TMIGD3: variants seen among roughly 807,000 people sequenced by gnomAD.
TMIGD3 encodes AD026 protein (AD026).
In TMIGD3, 21 loss-of-function variants were observed where a neutral mutation model predicts 28.1. The observed-to-expected ratio is 0.75, with a 90% CI of 0.53 to 1.08. The LOEUF is 1.08. Among genes scored for constraint, TMIGD3 ranks in the 50% least tolerant of loss-of-function variants. The pLI, the probability that TMIGD3 is intolerant of heterozygous loss-of-function variation, is 0.00. For missense variants in TMIGD3, 416 were observed against 435.6 expected, an observed-to-expected ratio of 0.96 and a Z score of 0.40; for synonymous variants, 151 against 162.1, an observed-to-expected ratio of 0.93 and a Z score of 0.52.
At chr1:111,561,365 C>T (rs1313554548) in intron 1 of TMIGD3, among the ~76,000 whole-genome samples, 3 of 152,176 alleles carry the variant, frequency 2.0e-5, no homozygotes, top group East Asian at 1.9e-4. Context: ...CTCAAGCGAT[C>T]CGCTTGTCTC....
chr1:111,552,071 T>C (rs865828757), intron 1 of TMIGD3, among the ~76,000 whole-genome samples: 1 of 152,258 alleles, frequency 6.6e-6, no homozygotes, highest in Admixed American at 6.5e-5. Flanking sequence ...CCAACTGTTA[T>C]CCATTGTCTC....
upstream of TMIGD3, among the ~76,000 whole-genome samples, chr1:111,507,229 C>T (rs1416958832): frequency 6.6e-6 from 1 of 151,726 alleles, no homozygotes; most frequent in Non-Finnish European, 1.5e-5. Context: ...CAAGACCAAC[C>T]TGGCCAACAT....
At position 111,503,247 on chromosome 1, in the gene TMIGD3, C is replaced by T. The variant is rs1655345503; in HGVS notation, c.108G>A (p.Val36=). 1 of 1,614,202 alleles carries T rather than the reference C, an allele frequency of 6.2e-7. No homozygotes were observed. The highest frequency in any genetic ancestry group is 2.2e-5 in the East Asian group (1 of 44,894). ...AIVGNVLVIC[V]VKLNPSLQTT... is the part of the protein sequence containing the mutation. ...TCTGCAGGCTGGGGTTCAGCTTGAC[C>T]ACGCAGATGACCAGCACGTTGCCCA... The change falls in exon 1 of 6, where the codon GTG becomes GTA. Residue 36 remains valine, a synonymous_variant. Transcript: ENST00000369716.
chr1:111,502,645 A>G (rs1286980303), intron 1 of TMIGD3, among the ~76,000 whole-genome samples: 1 of 150,854 alleles, frequency 6.6e-6, no homozygotes, highest in Non-Finnish European at 1.5e-5. Context: ...TCCTAAAATA[A>G]TAAGTCTTAT....
At chr1:111,520,245 T>C (rs560981644) in intron 1 of TMIGD3, among the ~76,000 whole-genome samples, 4 of 152,352 alleles carry the variant, frequency 2.6e-5, no homozygotes, top group African/African-American at 9.6e-5. Flanking sequence ...CTGCTACCCA[T>C]GTTAGTGAAG....
At chr1:111,562,299 G>A (rs1195979963) in intron 1 of TMIGD3, among the ~76,000 whole-genome samples, 1 of 152,070 alleles carries the variant, frequency 6.6e-6, no homozygotes, top group Non-Finnish European at 1.5e-5. Context: ...ATACAGTTAT[G>A]TGTCTGTTTC....
At chr1:111,490,116 A>G (rs1654584944) in intron 2 of TMIGD3, among the ~76,000 whole-genome samples, 1 of 152,162 alleles carries the variant, frequency 6.6e-6, no homozygotes, top group Non-Finnish European at 1.5e-5. Context: ...ATGCCACACA[A>G]CTGAAGGTCA....
At chr1:111,534,565 A>T (rs1302218836) in intron 1 of TMIGD3, among the ~76,000 whole-genome samples, 1 of 152,180 alleles carries the variant, frequency 6.6e-6, no homozygotes, top group Non-Finnish European at 1.5e-5. Context: ...CTCTCCAAAC[A>T]TGGTTTTCTA....
At chr1:111,508,782 A>G (rs1655596973) in intron 1 of TMIGD3, among the ~76,000 whole-genome samples, 1 of 151,908 alleles carries the variant, frequency 6.6e-6, no homozygotes, top group Non-Finnish European at 1.5e-5. Flanking sequence ...CATCAATCTC[A>G]TCAGAATGAA....
At chr1:111,499,700 A>G (rs1655060931) in intron 1 of TMIGD3, 2 of 1,288,150 alleles carry the variant, frequency 1.6e-6, no homozygotes, top group Non-Finnish European at 2.0e-6. Context: ...AGACAATAAT[A>G]TCAATAATAC....
At chr1:111,543,222 A>G (rs1656908694) in intron 1 of TMIGD3, among the ~76,000 whole-genome samples, 1 of 152,170 alleles carries the variant, frequency 6.6e-6, no homozygotes, top group African/African-American at 2.4e-5. Flanking sequence ...AGATCAAACT[A>G]CAGTGATTCT....
chr1:111,515,949 TTA>T (rs1356080903), intron 1 of TMIGD3, among the ~76,000 whole-genome samples: 1 of 152,138 alleles, frequency 6.6e-6, no homozygotes, highest in African/African-American at 2.4e-5. Flanking sequence ...TTCCTACCAT[TTA>T]TATGTCAGGG....
At chr1:111,520,949 A>G (rs1381498969) in intron 1 of TMIGD3, among the ~76,000 whole-genome samples, 1 of 152,230 alleles carries the variant, frequency 6.6e-6, no homozygotes, top group Non-Finnish European at 1.5e-5. Context: ...CACAGTCAAG[A>G]TAATAAATAT....
At chr1:111,554,877 A>G (rs1034857786) in intron 1 of TMIGD3, among the ~76,000 whole-genome samples, 2 of 152,232 alleles carry the variant, frequency 1.3e-5, no homozygotes, top group African/African-American at 4.8e-5. Flanking sequence ...CACAATTTAC[A>G]AAAGTCACAA....
chr1:111,485,106 G>A lies in TMIGD3; in HGVS notation c.973+634C>T, dbSNP rs549114966. On this transcript the variant is annotated intron_variant, in intron 5 of 5. Coordinates refer to ENST00000369716, the MANE Select transcript of TMIGD3 (RefSeq NM_020683.7). ...AGATCAGGCTTGAGGCAGGAGAATC[G>A]CTTGAACCTGGGAGGTGGAGGTTGC... Among the ~76,000 whole-genome samples, 310 of 152,302 alleles carry A rather than the reference G, an allele frequency of 2.0e-3. 2 individuals carry two copies. Among genetic ancestry groups the A allele is most frequent in the Middle Eastern group, 0.017 (5 of 294 alleles).
chr1:111,523,994 G>A (rs1656167584), intron 1 of TMIGD3, among the ~76,000 whole-genome samples: 1 of 136,424 alleles, frequency 7.3e-6, no homozygotes, highest in Non-Finnish European at 1.6e-5. Flanking sequence ...ACTGAGTTTA[G>A]TTTACTCTTC....
intron 1 of TMIGD3, among the ~76,000 whole-genome samples, chr1:111,548,258 C>T (rs373376474): frequency 1.3e-5 from 2 of 152,166 alleles, no homozygotes; most frequent in East Asian, 1.9e-4. Flanking sequence ...TGGCCTCAAG[C>T]GACCCACCCA....
At chr1:111,526,286 C>A (rs193110058) in intron 1 of TMIGD3, among the ~76,000 whole-genome samples, 1 of 152,170 alleles carries the variant, frequency 6.6e-6, no homozygotes, top group East Asian at 1.9e-4. Context: ...TGGGAGGGAC[C>A]TAGTGGGAGG....
At chr1:111,538,755 G>A (rs1656725129) in intron 1 of TMIGD3, among the ~76,000 whole-genome samples, 1 of 152,170 alleles carries the variant, frequency 6.6e-6, no homozygotes, top group African/African-American at 2.4e-5. Flanking sequence ...GGGTTCACGG[G>A]GCCTCTGGCA....
Sources: allele counts gnomAD v4.1 joint callset (sites outside exome capture counted in the v4.1 genomes callset), GRCh38; gene constraint gnomAD v4.1.1; transcripts MANE v1.5; gene names NCBI Gene and HGNC (gene_info 2026-07-23, HGNC 2026-07-21).